PDE4D: variants seen among roughly 807,000 people sequenced by gnomAD.
PDE4D encodes phosphodiesterase 4D, also known as 3',5'-cyclic-AMP phosphodiesterase 4D.
Under a neutral mutation model 87.4 loss-of-function variants are expected in PDE4D, and 24 were observed. That is an observed-to-expected ratio of 0.27 (90% CI 0.20 to 0.39). The LOEUF is 0.39. Ranked by LOEUF, PDE4D falls within the 10% of genes least tolerant of loss-of-function variation. The pLI is 1.00. For missense variants in PDE4D, 714 were observed against 1,041.0 expected, an observed-to-expected ratio of 0.69 and a Z score of 4.32; for synonymous variants, 384 against 383.2, an observed-to-expected ratio of 1.00 and a Z score of -0.02.
intron 1 of PDE4D, among the ~76,000 whole-genome samples, chr5:59,775,230 C>T (rs1763960707): frequency 6.6e-6 from 1 of 151,626 alleles, no homozygotes. Context: ...ATTATAATAC[C>T]CTATATTTCT....
intron 1 of PDE4D, among the ~76,000 whole-genome samples, chr5:59,536,800 G>C (rs934486701): frequency 2.6e-5 from 4 of 152,050 alleles, no homozygotes; most frequent in Non-Finnish European, 5.9e-5. Context: ...TGGCTAATCT[G>C]TATTTCTGTA....
At chr5:60,360,393 C>T (rs977856834) in intron 1 of PDE4D, among the ~76,000 whole-genome samples, 3 of 152,144 alleles carry the variant, frequency 2.0e-5, no homozygotes, top group Non-Finnish European at 4.4e-5. Flanking sequence ...AACTAAAATG[C>T]AATTGCTTTT....
At chr5:59,033,257 A>G (rs1327819911) in intron 6 of PDE4D, among the ~76,000 whole-genome samples, 1 of 152,180 alleles carries the variant, frequency 6.6e-6, no homozygotes, top group East Asian at 1.9e-4. Context: ...ATACCCCCCA[A>G]TCCCTGTTAC....
At chr5:59,361,749 G>A (rs1384531257) in intron 1 of PDE4D, among the ~76,000 whole-genome samples, 1 of 152,084 alleles carries the variant, frequency 6.6e-6, no homozygotes, top group Non-Finnish European at 1.5e-5. Context: ...TCAGTGCTTA[G>A]CAAACAGTCT....
intron 1 of PDE4D, among the ~76,000 whole-genome samples, chr5:59,627,619 G>C (rs1282919134): frequency 6.6e-6 from 1 of 152,126 alleles, no homozygotes; most frequent in Non-Finnish European, 1.5e-5. Context: ...TAACACATTG[G>C]AGTATGTGCT....
At chr5:59,307,055 G>T (rs1405414630) in intron 1 of PDE4D, among the ~76,000 whole-genome samples, 1 of 91,094 alleles carries the variant, frequency 1.1e-5, no homozygotes, top group South Asian at 3.6e-4. Flanking sequence ...AAATAATGCC[G>T]CATATCTACA....
At chr5:59,667,245 G>T (rs926013772) in intron 1 of PDE4D, among the ~76,000 whole-genome samples, 1 of 151,892 alleles carries the variant, frequency 6.6e-6, no homozygotes, top group Non-Finnish European at 1.5e-5. Context: ...TTTTGGGGGG[G>T]AGGTTCTGAA....
intron 2 of PDE4D, among the ~76,000 whole-genome samples, chr5:60,182,018 G>A (rs1784415279): frequency 6.6e-6 from 1 of 152,152 alleles, no homozygotes; most frequent in African/African-American, 2.4e-5. Context: ...GGGAAGAAGG[G>A]TAACTGAGAT....
At chr5:59,141,904 A>G (rs1382886100) in intron 5 of PDE4D, among the ~76,000 whole-genome samples, 1 of 152,090 alleles carries the variant, frequency 6.6e-6, no homozygotes. Context: ...ACAGTTTTCT[A>G]ATTATTCCCT....
intron 5 of PDE4D, among the ~76,000 whole-genome samples, chr5:59,158,337 G>A (rs956821418): frequency 1.4e-4 from 21 of 152,146 alleles, no homozygotes; most frequent in African/African-American, 5.1e-4. Context: ...AGCTGGAAAA[G>A]GTCTCTCAGC....
chr5:59,565,757 G>GA (rs943965549), intron 1 of PDE4D, among the ~76,000 whole-genome samples: 4 of 152,176 alleles, frequency 2.6e-5, no homozygotes, highest in Non-Finnish European at 5.9e-5. Context: ...TCAGAATGCT[G>GA]AAGTGCAGCT....
At chr5:60,226,833 T>TCA (rs5868227) in intron 1 of PDE4D, among the ~76,000 whole-genome samples, 36,567 of 148,354 alleles carry the variant, frequency 0.25, 5,144 homozygotes, top group East Asian at 0.77. Flanking sequence ...TTTCTACACA[T>TCA]CACACACACA....
rs1288357456 is a variant in PDE4D at position 59,219,050 on chromosome 5, G to T, written c.456-3082C>A. ...CACACTCTGGGGACTGTTGTGGGGT[G>T]GGGGGAGGGGGGAGGGATAGCACTG... is the stretch of plus-strand genomic sequence containing the variant. On this transcript the variant is annotated intron_variant, in intron 1 of 14. Transcript: ENST00000340635. Among the ~76,000 whole-genome samples, 112 of 109,846 alleles carry T rather than the reference G, an allele frequency of 1.0e-3. 1 individual carries two copies. Among genetic ancestry groups the T allele is most frequent in the Non-Finnish European group, 1.2e-3 (67 of 55,636 alleles). 72.1% of individuals were successfully genotyped at this position (109,846 alleles called of 152,430 possible).
intron 2 of PDE4D, among the ~76,000 whole-genome samples, chr5:60,052,177 C>T (rs1770245508): frequency 1.3e-5 from 2 of 152,176 alleles, no homozygotes; most frequent in Admixed American, 1.3e-4. Flanking sequence ...GGAGTCCTCC[C>T]TAACTCATTT....
intron 1 of PDE4D, among the ~76,000 whole-genome samples, chr5:60,515,102 G>C (rs190457077): frequency 6.6e-6 from 1 of 152,186 alleles, no homozygotes; most frequent in East Asian, 1.9e-4. Context: ...TCTAACAAAA[G>C]ATGTATATGA....
intron 1 of PDE4D, among the ~76,000 whole-genome samples, chr5:59,572,715 C>T (rs1448650877): frequency 1.3e-5 from 2 of 152,168 alleles, no homozygotes; most frequent in Non-Finnish European, 2.9e-5. Context: ...CTCCTGACCT[C>T]GTGATCCACC....
chr5:60,492,216 T>A (rs755043285), upstream of PDE4D, among the ~76,000 whole-genome samples: 2 of 150,708 alleles, frequency 1.3e-5, no homozygotes, highest in Non-Finnish European at 2.9e-5. Context: ...ATCACTTGAA[T>A]CCAGGAGTTT....
At chr5:60,468,327 T>C (rs776392284) in intron 1 of PDE4D, among the ~76,000 whole-genome samples, 2 of 151,874 alleles carry the variant, frequency 1.3e-5, no homozygotes, top group African/African-American at 2.4e-5. Context: ...TTAATAAAGA[T>C]GGGATTTTAC....
At chr5:60,330,808 C>T (rs954963216) in intron 1 of PDE4D, among the ~76,000 whole-genome samples, 4 of 152,164 alleles carry the variant, frequency 2.6e-5, no homozygotes, top group Non-Finnish European at 5.9e-5. Flanking sequence ...CTAGCCAGAA[C>T]ATTTGCAGCA....
Sources: allele counts gnomAD v4.1 joint callset (sites outside exome capture counted in the v4.1 genomes callset), GRCh38; gene constraint gnomAD v4.1.1; transcripts MANE v1.5; gene names NCBI Gene and HGNC (gene_info 2026-07-23, HGNC 2026-07-21).